RARB: variants seen among roughly 807,000 people sequenced by gnomAD.
The protein encoded by RARB is HBV-activated protein.
In RARB, 17 loss-of-function variants were observed where a neutral mutation model predicts 51.9. The ratio of observed to expected loss-of-function variants is 0.33; its 90% confidence interval spans 0.22 to 0.49. RARB has a LOEUF of 0.49. Among genes scored for constraint, RARB ranks in the 20% least tolerant of loss-of-function variants. RARB has a pLI of 0.99. For synonymous variants in RARB, 215 were observed against 195.4 expected (o/e 1.10, Z -0.84); for missense variants, 369 against 550.8 (o/e 0.67, Z 3.30).
At chr3:25,583,949 G>A (rs536733538) in intron 5 of RARB, among the ~76,000 whole-genome samples, 1 of 152,300 alleles carries the variant, frequency 6.6e-6, no homozygotes, top group East Asian at 1.9e-4. Flanking sequence ...CGGAGCAGGA[G>A]TGACCCCTTC....
chr3:25,096,023 A>G (rs969353355), intron 3 of RARB, among the ~76,000 whole-genome samples: 1 of 152,196 alleles, frequency 6.6e-6, no homozygotes, highest in Non-Finnish European at 1.5e-5. Context: ...CCTCTTTCCC[A>G]TTACTGGACT....
chr3:24,956,626 G>A (rs1696019870), intron 2 of RARB, among the ~76,000 whole-genome samples: 1 of 152,188 alleles, frequency 6.6e-6, no homozygotes, highest in African/African-American at 2.4e-5. Context: ...ATACATAGAT[G>A]TGTTGACTAT....
At chr3:25,035,421 CTT>C (rs140970899) in intron 2 of RARB, among the ~76,000 whole-genome samples, 3 of 121,640 alleles carry the variant, frequency 2.5e-5, no homozygotes, top group East Asian at 5.4e-4. Context: ...TGCGTCCAGC[CTT>C]TTTTTTTTTT....
intron 2 of RARB, among the ~76,000 whole-genome samples, chr3:25,015,913 C>T (rs2125282186): frequency 6.6e-6 from 1 of 152,264 alleles, no homozygotes; most frequent in East Asian, 1.9e-4. Context: ...CCCCTCCTAC[C>T]ACAGCTCAAC....
chr3:25,137,181 C>A (rs1399085486), intron 4 of RARB, among the ~76,000 whole-genome samples: 1 of 151,894 alleles, frequency 6.6e-6, no homozygotes, highest in Admixed American at 6.6e-5. Flanking sequence ...CTCACTGTGG[C>A]TGAGTTGTAT....
intron 2 of RARB, among the ~76,000 whole-genome samples, chr3:24,992,233 C>G (rs1452947994): frequency 6.6e-6 from 1 of 152,144 alleles, no homozygotes; most frequent in Admixed American, 6.5e-5. Flanking sequence ...GCTAAATATA[C>G]TGGATTTTTA....
intron 4 of RARB, among the ~76,000 whole-genome samples, chr3:25,155,716 G>A (rs1700363148): frequency 6.6e-6 from 1 of 152,114 alleles, no homozygotes; most frequent in Non-Finnish European, 1.5e-5. Context: ...AACAGCAATA[G>A]GACTCTTTCC....
intron 2 of RARB, among the ~76,000 whole-genome samples, chr3:24,941,687 C>G (rs1368052792): frequency 6.6e-6 from 1 of 152,160 alleles, no homozygotes; most frequent in Non-Finnish European, 1.5e-5. Context: ...GTCTTTCAAA[C>G]AGAATAAAAT....
chr3:25,056,871 A>G (rs1295473999), intron 2 of RARB, among the ~76,000 whole-genome samples: 3 of 152,092 alleles, frequency 2.0e-5, no homozygotes, highest in African/African-American at 7.2e-5. Context: ...ATTAGAGAAA[A>G]AATTCCTTAA....
chr3:25,572,270 T>C (rs539491829), intron 4 of RARB, among the ~76,000 whole-genome samples: 1 of 152,168 alleles, frequency 6.6e-6, no homozygotes, highest in Non-Finnish European at 1.5e-5. Flanking sequence ...CAGTAATTGA[T>C]GGTTGTGGTC....
At chr3:25,182,605 C>T (rs1405312471) in intron 5 of RARB, among the ~76,000 whole-genome samples, 1 of 152,166 alleles carries the variant, frequency 6.6e-6, no homozygotes, top group African/African-American at 2.4e-5. Flanking sequence ...TCAGACACCT[C>T]AGAAGCTCTG....
chr3:25,373,653 T>C (rs60519915), intron 5 of RARB, among the ~76,000 whole-genome samples: 6,229 of 152,256 alleles, frequency 0.041, 144 homozygotes, highest in Middle Eastern at 0.065. Context: ...TTAAGATCTG[T>C]ACTGTTGTGT....
chr3:25,486,859 C>T (rs1157583790), intron 2 of RARB, among the ~76,000 whole-genome samples: 1 of 152,142 alleles, frequency 6.6e-6, no homozygotes, highest in Non-Finnish European at 1.5e-5. Flanking sequence ...AATTTTATTT[C>T]AATCAGGTTC....
intron 2 of RARB, among the ~76,000 whole-genome samples, chr3:24,922,090 T>C (rs1417338026): frequency 1.3e-5 from 2 of 152,166 alleles, no homozygotes; most frequent in East Asian, 3.9e-4. Flanking sequence ...ATGTGTAAAA[T>C]ACAGATACCA....
intron 2 of RARB, among the ~76,000 whole-genome samples, chr3:24,900,471 C>T (rs1378380181): frequency 6.6e-6 from 1 of 152,168 alleles, no homozygotes; most frequent in African/African-American, 2.4e-5. Flanking sequence ...TGGAAGTATG[C>T]ACATGAAGTA....
intron 5 of RARB, among the ~76,000 whole-genome samples, chr3:25,586,453 A>C (rs1180007892): frequency 6.6e-6 from 1 of 152,198 alleles, no homozygotes; most frequent in African/African-American, 2.4e-5. Flanking sequence ...TGAATGGATG[A>C]ATGAGCAAAT....
chr3:25,460,427 T>TA (rs1217489179), intron 1 of RARB, among the ~76,000 whole-genome samples: 26 of 128,634 alleles, frequency 2.0e-4, no homozygotes, highest in African/African-American at 4.4e-4. Context: ...AATTTTAAAA[T>TA]TTTTATTTAT....
chr3:25,568,939 C>G (rs1421307724), intron 3 of RARB, among the ~76,000 whole-genome samples: 7 of 152,268 alleles, frequency 4.6e-5, no homozygotes, highest in African/African-American at 1.7e-4. Context: ...TCCCAGAGGT[C>G]TGTGCTGCAG....
chr3:25,385,584 C>G (rs1304881589), intron 5 of RARB, among the ~76,000 whole-genome samples: 1 of 152,088 alleles, frequency 6.6e-6, no homozygotes, highest in Non-Finnish European at 1.5e-5. Context: ...TCAGCCAGAC[C>G]TTCAGATTAA....
Sources: gnomAD v4.1 joint callset for allele counts (sites outside exome capture counted in the v4.1 genomes callset) on GRCh38, gnomAD v4.1.1 for gene constraint, MANE v1.5 for transcripts, NCBI Gene and HGNC (gene_info 2026-07-23, HGNC 2026-07-21) for gene names.